PDE11A: variants seen among roughly 807,000 people sequenced by gnomAD.
The protein encoded by PDE11A is phosphodiesterase 11A, also known as dual 3',5'-cyclic-AMP and -GMP phosphodiesterase 11A.
Under a neutral mutation model 100.5 loss-of-function variants are expected in PDE11A, and 100 were observed. The ratio of observed to expected loss-of-function variants is 1.00; its 90% CI spans 0.85 to 1.18. The LOEUF is 1.18. Ranked by LOEUF, PDE11A falls within the 50% of genes most tolerant of loss-of-function variation. The pLI is 0.00. For synonymous variants in PDE11A, 381 were observed against 420.8 expected (o/e 0.91, Z 1.16); for missense variants, 1,141 against 1,152.6 (o/e 0.99, Z 0.15).
chr2:177,960,948 A>G (rs1243322053), intron 2 of PDE11A, among the ~76,000 whole-genome samples: 5 of 152,188 alleles, frequency 3.3e-5, no homozygotes, highest in Non-Finnish European at 1.5e-5. Context: ...AGAAGATGTC[A>G]ATCTTAGATA....
intron 1 of PDE11A, among the ~76,000 whole-genome samples, chr2:178,055,926 A>G (rs529589540): frequency 1.2e-3 from 176 of 152,228 alleles, no homozygotes; most frequent in African/African-American, 4.2e-3. Flanking sequence ...ACCTGGGGTG[A>G]TATTTTTTTA....
At chr2:178,107,082 A>G (rs1355267822) in intron 1 of PDE11A, among the ~76,000 whole-genome samples, 1 of 152,264 alleles carries the variant, frequency 6.6e-6, no homozygotes, top group East Asian at 1.9e-4. Flanking sequence ...CTCATAAACT[A>G]CAGATTTCAC....
chr2:177,897,972 C>A (rs1468227170), intron 4 of PDE11A, 86 bp downstream of exon 4: 11 of 1,163,030 alleles, frequency 9.5e-6, no homozygotes, highest in African/African-American at 1.5e-5. Context: ...TGAATCAAGT[C>A]ACAATTTCAC....
intron 6 of PDE11A, among the ~76,000 whole-genome samples, chr2:177,825,847 G>T (rs1480698241): frequency 1.3e-5 from 2 of 152,120 alleles, no homozygotes; most frequent in Non-Finnish European, 2.9e-5. Context: ...GGTAACATTG[G>T]TTATCTTCAT....
At chr2:177,937,605 C>A (rs1246720912) in intron 2 of PDE11A, among the ~76,000 whole-genome samples, 2 of 152,202 alleles carry the variant, frequency 1.3e-5, no homozygotes, top group Non-Finnish European at 2.9e-5. Flanking sequence ...GCGTGAGCCA[C>A]CGCGTCCAGG....
At chr2:178,045,722 C>T (rs759394965) in intron 1 of PDE11A, among the ~76,000 whole-genome samples, 4 of 152,202 alleles carry the variant, frequency 2.6e-5, no homozygotes, top group Admixed American at 6.5e-5. Flanking sequence ...ATGAAGTTTC[C>T]TGAGGCATCT....
At chr2:177,873,370 T>G (rs773081146) in intron 5 of PDE11A, among the ~76,000 whole-genome samples, 1 of 152,206 alleles carries the variant, frequency 6.6e-6, no homozygotes, top group Non-Finnish European at 1.5e-5. Flanking sequence ...AACATTCTAT[T>G]TAGGAAAATT....
intron 2 of PDE11A, among the ~76,000 whole-genome samples, chr2:178,000,342 T>A (rs1349053907): frequency 1.3e-5 from 2 of 152,236 alleles, no homozygotes; most frequent in Non-Finnish European, 2.9e-5. Context: ...GGAAATATGA[T>A]GTGGCTTCAT....
chr2:178,055,879 C>CT (rs2086893961), intron 1 of PDE11A, among the ~76,000 whole-genome samples: 1 of 151,770 alleles, frequency 6.6e-6, no homozygotes, highest in Admixed American at 6.6e-5. Context: ...TAAATGGGCT[C>CT]TTTTTTCTAG....
chr2:177,933,150 A>G (rs2085229788), intron 2 of PDE11A, among the ~76,000 whole-genome samples: 1 of 152,184 alleles, frequency 6.6e-6, no homozygotes, highest in South Asian at 2.1e-4. Context: ...AAGAAGAACT[A>G]CAAAACACTG....
intron 12 of PDE11A, among the ~76,000 whole-genome samples, chr2:177,727,437 AG>A (rs746958730): frequency 6.6e-6 from 1 of 152,190 alleles, no homozygotes; most frequent in South Asian, 2.1e-4. Context: ...CAGAAGCTCA[AG>A]TAATCATTCC....
At chr2:177,747,192 A>G (rs564812233) in intron 10 of PDE11A, among the ~76,000 whole-genome samples, 1 of 152,308 alleles carries the variant, frequency 6.6e-6, no homozygotes, top group South Asian at 2.1e-4. Context: ...ACTAGTAGAG[A>G]AGAAAGTAAA....
At chr2:177,669,987 G>A (rs1445202133) in intron 17 of PDE11A, among the ~76,000 whole-genome samples, 3 of 152,008 alleles carry the variant, frequency 2.0e-5, no homozygotes, top group African/African-American at 7.3e-5. Context: ...TTATTTTGTT[G>A]CATACTTTTA....
chr2:177,729,006 T>C lies in PDE11A; in HGVS notation c.1789-834A>G, dbSNP rs1216741945. ...ACTCTTGGTAAGGGAGTCACTTTTA[T>C]ATTTTCAGGTTATCAGAGACCATTC... On this transcript the variant is annotated intron_variant, in intron 10 of 19. Coordinates refer to ENST00000286063, the MANE Select transcript of PDE11A (RefSeq NM_016953.4). 3.3e-5 allele frequency among the ~76,000 whole-genome samples: 5 copies of C among 152,178 alleles called. No homozygotes were observed. The East Asian group carries it at 9.6e-4, about 29-fold the overall frequency.
At chr2:177,959,606 T>C (rs1311456550) in intron 2 of PDE11A, among the ~76,000 whole-genome samples, 2 of 152,072 alleles carry the variant, frequency 1.3e-5, no homozygotes, top group African/African-American at 4.8e-5. Context: ...TGCTGATGAA[T>C]TGATTAATTT....
chr2:177,999,897 CA>C (rs1217028062), intron 2 of PDE11A, among the ~76,000 whole-genome samples: 3 of 152,182 alleles, frequency 2.0e-5, no homozygotes, highest in Non-Finnish European at 4.4e-5. Context: ...CCTCATTTTT[CA>C]AAACCACTCA....
In PDE11A at chr2:178,014,363, C is replaced by T. The variant is rs1240572730; in HGVS notation, c.1010G>A (p.Gly337Asp). The T allele has an allele frequency of 6.2e-7, 1 of 1,612,602 alleles. No homozygotes were observed. ...PIRSSDGEIIGVAQAINKIPE... is the reference protein window; with the variant it reads ...PIRSSDGEIIDVAQAINKIPE... ...AATCTTATTTATCGCTTGGGCCACA[C>T]CAATAATCTCACCATCACTGCTTCG... is the stretch of plus-strand genomic sequence containing the variant. The change falls in exon 2 of 20, where the codon GGT becomes GAT. Residue 337 changes from glycine to aspartate, a missense_variant. Physicochemically the swap from Gly to Asp is moderately conservative, Grantham distance 94. Coordinates refer to ENST00000286063, the MANE Select transcript of PDE11A (RefSeq NM_016953.4).
intron 5 of PDE11A, among the ~76,000 whole-genome samples, chr2:177,851,809 C>G (rs548461405): frequency 2.0e-5 from 3 of 151,962 alleles, no homozygotes; most frequent in Non-Finnish European, 4.4e-5. Flanking sequence ...GGTAAACATG[C>G]GTCATGGGGG....
chr2:177,698,098 G>A (rs552727471), intron 14 of PDE11A, among the ~76,000 whole-genome samples: 5 of 152,276 alleles, frequency 3.3e-5, no homozygotes, highest in South Asian at 4.1e-4. Flanking sequence ...CTGCTGAAGC[G>A]GAGGAACCGT....
Sources: gnomAD v4.1 joint callset for allele counts (sites outside exome capture counted in the v4.1 genomes callset) on GRCh38, gnomAD v4.1.1 for gene constraint, MANE v1.5 for transcripts, NCBI Gene and HGNC (gene_info 2026-07-23, HGNC 2026-07-21) for gene names.